Variants in APC observed in about 807,000 individuals in gnomAD.
APC encodes the protein APC regulator of Wnt signaling pathway.
Under a neutral mutation model 247.0 loss-of-function variants are expected in APC, and 72 were observed. That is an observed-to-expected ratio of 0.29 (90% CI 0.24 to 0.35). The LOEUF (loss-of-function observed/expected upper bound fraction) is 0.35, where lower values mean the gene tolerates loss of function less well. Ranked by LOEUF, APC falls within the 10% of genes least tolerant of loss-of-function variation. The pLI is 1.00. For missense variants in APC, 3,400 were observed against 3,360.7 expected (o/e 1.01, Z -0.29); for synonymous variants, 1,254 against 1,162.5 (o/e 1.08, Z -1.60).
At position 112,767,216 on chromosome 5, in the gene APC, C is replaced by T. The variant is rs1163661746; in HGVS notation, c.248C>T (p.Pro83Leu). 1 of 1,614,006 alleles carries T rather than the reference C, an allele frequency of 6.2e-7. No individual in the cohort carries two copies. The highest frequency in any genetic ancestry group is 8.5e-7 in the Non-Finnish European group (1 of 1,179,968). ...CTTAACTTAGATAGCAGTAATTTCC[C>T]TGGAGTAAAACTGCGGTCAAAAATG... ...KELNLDSSNF[P>L]GVKLRSKMSL... The change falls in exon 4 of 16, where the codon CCT (proline) becomes CTT (leucine). Residue 83 changes from proline to leucine, a missense_variant. Coordinates refer to ENST00000257430, the MANE Select transcript of APC (RefSeq NM_000038.6).
chr5:112,769,153 C>T (rs1340830873), intron 4 of APC, among the ~76,000 whole-genome samples: 1 of 144,290 alleles, frequency 6.9e-6, no homozygotes, highest in Non-Finnish European at 1.5e-5. Context: ...TAGGTTCAAG[C>T]AATTCTCATG....
upstream of APC, among the ~76,000 whole-genome samples, chr5:112,737,540 C>T (rs1752471357): frequency 6.6e-6 from 1 of 152,242 alleles, no homozygotes; most frequent in Non-Finnish European, 1.5e-5. Context: ...TTATTACTCT[C>T]CCTCCCACCT....
intron 8 of APC, among the ~76,000 whole-genome samples, chr5:112,802,004 A>T (rs1760884042): frequency 6.6e-6 from 1 of 152,082 alleles, no homozygotes; most frequent in Non-Finnish European, 1.5e-5. Flanking sequence ...TTTTATTGAA[A>T]TACAGTGCAA....
chr5:112,776,768 G>A (rs1459699116), intron 5 of APC, among the ~76,000 whole-genome samples: 7 of 152,004 alleles, frequency 4.6e-5, no homozygotes, highest in African/African-American at 1.7e-4. Flanking sequence ...TTGAACCTGG[G>A]AGGCAGAGGT....
At chr5:112,830,417 G>T (rs543246228) in intron 14 of APC, among the ~76,000 whole-genome samples, 1 of 152,150 alleles carries the variant, frequency 6.6e-6, no homozygotes. Flanking sequence ...CATTTTCAAG[G>T]ATGTTGAGCA....
chr5:112,844,205 TAAAAGACTGA>T lies in APC; in HGVS notation c.*84_*93del. 7.3e-7 allele frequency: 1 copy of T among 1,367,840 alleles called. No homozygotes were observed. The highest frequency in any genetic ancestry group is 1.0e-6 in the Non-Finnish European group (1 of 993,630). 84.7% of individuals were successfully genotyped at this position (1,367,840 alleles called of 1,614,324 possible). On this transcript the variant is annotated 3_prime_UTR_variant, in exon 16 of 16. Transcript: ENST00000257430. ...AGACATTTTGTTTCAAATGAAACTT[TAAAAGACTGA>T]AAAATTTTGTAAATAGGTTTGATTC...
chr5:112,801,277 A>G lies in APC; in HGVS notation c.730-2A>G. The G allele has an allele frequency of 6.2e-7, 1 of 1,611,938 alleles. No individual in the cohort carries two copies. Among genetic ancestry groups the G allele is most frequent in the Non-Finnish European group, 8.5e-7 (1 of 1,178,408 alleles). On this transcript the variant is annotated splice_acceptor_variant, in intron 7 of 15. Coordinates refer to ENST00000257430, the MANE Select transcript of APC (RefSeq NM_000038.6). LOFTEE classifies it high-confidence loss of function. ...GTACTGATGTTAACTCCATCTTAAC[A>G]GAGGTCATCTCAGAACAAGCATGAA...
chr5:112,843,482 G>A lies in APC; in HGVS notation c.7888G>A (p.Val2630Ile), dbSNP rs199688874. 1.1e-4 allele frequency: 171 copies of A among 1,613,742 alleles called. No individual in the cohort carries two copies. The highest frequency in any genetic ancestry group is 1.3e-4 in the Non-Finnish European group (149 of 1,179,800). ...FSPTNSTSQT[V>I]SSGATNGAES... Reference sequence around the variant, plus strand: ...TCCCACAAATAGTACTTCTCAGACCGTTTCCTCAGGTGCTACAAATGGTGC... The same window carrying A: ...TCCCACAAATAGTACTTCTCAGACCATTTCCTCAGGTGCTACAAATGGTGC... Residue 2630 changes from valine (V) to isoleucine (I), a missense_variant, in exon 16 of 16, where the codon GTT (valine) becomes ATT (isoleucine). Coordinates refer to ENST00000257430, the MANE Select transcript of APC (RefSeq NM_000038.6). This position sits in a 1 kb window ranked among gnomAD's most constrained non-coding sequence, Gnocchi z 4.8.
At chr5:112,818,184 A>C (rs1762699216) in intron 9 of APC, among the ~76,000 whole-genome samples, 1 of 152,220 alleles carries the variant, frequency 6.6e-6, no homozygotes, top group South Asian at 2.1e-4. Flanking sequence ...ATAGAGAATG[A>C]TGCATTCTTT....
At chr5:112,751,070 A>G (rs1754305669) in intron 1 of APC, among the ~76,000 whole-genome samples, 1 of 152,088 alleles carries the variant, frequency 6.6e-6, no homozygotes, top group South Asian at 2.1e-4. Flanking sequence ...CTATTCATGT[A>G]CTGGTATTGT....
rs375405036 is a variant in APC at position 112,780,753 on chromosome 5, C to G, written c.532-37C>G. ...TTGCTTTTACTGATTAACGTAAATA[C>G]AAGATATTGATACTTTTTTATTATT... On this transcript the variant is annotated intron_variant, in intron 5 of 15. Transcript: ENST00000257430. The G allele has an allele frequency of 1.7e-5, 25 of 1,439,116 alleles. No individual in the cohort carries two copies. Among genetic ancestry groups the G allele is most frequent in the Non-Finnish European group, 2.4e-5 (25 of 1,029,656 alleles). 89.1% of individuals were successfully genotyped at this position (1,439,116 alleles called of 1,614,324 possible). A position where few individuals can be genotyped will look rare whatever the true frequency, so the allele number is the denominator to read the frequency against.
intron 6 of APC, among the ~76,000 whole-genome samples, chr5:112,788,829 C>G (rs543901359): frequency 6.6e-6 from 1 of 152,082 alleles, no homozygotes; most frequent in African/African-American, 2.4e-5. Flanking sequence ...ATATCATCGC[C>G]GGTTTAAGAT....
At chr5:112,749,479 ATTTTTT>A (rs536428390) in intron 1 of APC, among the ~76,000 whole-genome samples, 28 of 104,066 alleles carry the variant, frequency 2.7e-4, no homozygotes, top group African/African-American at 4.3e-4. Context: ...TACTGCTCCA[ATTTTTT>A]TTTTTTTTTT....
At position 112,844,758 on chromosome 5, in the gene APC, C is replaced by T. The variant is rs960263199; in HGVS notation, c.*632C>T. On this transcript the variant is annotated 3_prime_UTR_variant, in exon 16 of 16. Transcript: ENST00000257430. ...GTGTAATAATTTACACTATTTTGTGCTCCAAACAAAACAAAAATCTGTGTA... is the reference window on the plus strand; with the variant it reads ...GTGTAATAATTTACACTATTTTGTGTTCCAAACAAAACAAAAATCTGTGTA... The T allele has an allele frequency of 8.6e-6, 2 of 231,620 alleles. No homozygotes were observed. Among genetic ancestry groups the T allele is most frequent in the African/African-American group, 4.4e-5 (2 of 45,230 alleles). The allele number at this position is 231,620 out of a possible 1,614,324, so 14.3% of individuals were successfully genotyped here.
intron 2 of APC, among the ~76,000 whole-genome samples, chr5:112,757,656 C>G (rs1755137634): frequency 6.6e-6 from 1 of 152,088 alleles, no homozygotes; most frequent in Admixed American, 6.5e-5. Flanking sequence ...GTACTCCAGC[C>G]TGGGCAAAAG....
chr5:112,830,699 T>C (rs1764202547), intron 14 of APC, among the ~76,000 whole-genome samples: 1 of 152,224 alleles, frequency 6.6e-6, no homozygotes, highest in Admixed American at 6.5e-5. Context: ...AGTAATAGGA[T>C]TCGGCTGTGA....
At chr5:112,827,011 ATTGAG>A in intron 11 of APC, 92 bp from the exon 12 acceptor site, 1 of 1,222,524 alleles carries the variant, frequency 8.2e-7, no homozygotes, top group Non-Finnish European at 1.2e-6. Flanking sequence ...ATTCTCATTG[ATTGAG>A]TTTTTTTTTC....
intron 1 of APC, among the ~76,000 whole-genome samples, chr5:112,708,727 A>G (rs1432939065): frequency 4.6e-5 from 7 of 152,340 alleles, no homozygotes; most frequent in Admixed American, 4.6e-4. Context: ...ACTAAAATGG[A>G]GAAAAGCTTT....
intron 6 of APC, 120 bp downstream of exon 6, chr5:112,781,023 C>A: frequency 1.3e-6 from 1 of 752,022 alleles, no homozygotes; most frequent in South Asian, 1.5e-5. Context: ...TATTTTGGCT[C>A]TATTTCAAAA....
Sources: allele counts gnomAD v4.1 joint callset (sites outside exome capture counted in the v4.1 genomes callset), GRCh38; gene constraint gnomAD v4.1.1; non-coding constraint Gnocchi (gnomAD v3.1); transcripts MANE v1.5; gene names NCBI Gene and HGNC (gene_info 2026-07-23, HGNC 2026-07-21).